Variants in SYT3 observed in about 807,000 individuals in gnomAD.
SYT3 encodes synaptotagmin 3, also known as synaptotagmin-3.
Under a neutral mutation model 50.6 loss-of-function variants are expected in SYT3, and 25 were observed. The observed-to-expected ratio is 0.49, with a 90% CI of 0.36 to 0.69. SYT3 has a LOEUF of 0.69. SYT3 is among the 30% of genes least tolerant of loss of function. SYT3 has a pLI of 0.00. For missense variants in SYT3, 589 were observed against 793.6 expected, an observed-to-expected ratio of 0.74 and a Z score of 3.10; for synonymous variants, 323 against 353.9, an observed-to-expected ratio of 0.91 and a Z score of 0.98.
At chr19:50,654,360 T>A in the SYT3 span, among the ~76,000 whole-genome samples, 1 of 152,104 alleles carries the variant, frequency 6.6e-6, no homozygotes, top group Non-Finnish European at 1.5e-5. Context: ...TGGAGTGCAG[T>A]GGCGCAATCT....
At chr19:50,654,988 G>C in the SYT3 span, among the ~76,000 whole-genome samples, 1 of 152,128 alleles carries the variant, frequency 6.6e-6, no homozygotes, top group Non-Finnish European at 1.5e-5. Context: ...TGGAGGCTGG[G>C]TTATTGCTAA....
At position 50,625,907 on chromosome 19, in the gene SYT3, AGTGAG is replaced by A; in HGVS notation, c.1387_1391del (p.Leu463TrpfsTer35). 1 of 1,613,474 alleles carries A rather than the reference AGTGAG, an allele frequency of 6.2e-7. No homozygotes were observed. Among genetic ancestry groups the A allele is most frequent in the Non-Finnish European group, 8.5e-7 (1 of 1,179,752 alleles). Reference sequence around the variant, plus strand: ...ACCCAGGACCCTCACCTGAGAAGCCAGTGAGGTCCATCGCTTTGAGGTTAGAGGCT... The same window carrying A: ...ACCCAGGACCCTCACCTGAGAAGCCAGTCCATCGCTTTGAGGTTAGAGGCT... On this transcript the variant is annotated frameshift_variant, in exon 7 of 11. Coordinates refer to ENST00000600079, the MANE Select transcript of SYT3 (RefSeq NM_001160329.2). LOFTEE classifies it high-confidence loss of function. The surrounding 1 kb of genome is among the most constrained non-coding windows in gnomAD (Gnocchi z 7.5).
At position 50,632,885 on chromosome 19, in the gene SYT3, G is replaced by C; in HGVS notation, c.149-74C>G. The C allele has an allele frequency of 5.5e-6, 7 of 1,265,284 alleles. No homozygotes were observed. The highest frequency in any genetic ancestry group is 7.3e-6 in the Non-Finnish European group (7 of 958,316). The allele number at this position is 1,265,284 out of a possible 1,614,324, so 78.4% of individuals were successfully genotyped here. A position where few individuals can be genotyped will look rare whatever the true frequency, so the allele number is the denominator to read the frequency against. ...ATCCTCCCTCTGCTGTCCCCAAAGA[G>C]TTAACCCTTCATATTTGCCATGCAA... On this transcript the variant is annotated intron_variant, in intron 3 of 10. Transcript: ENST00000600079. The surrounding 1 kb of genome is among the most constrained non-coding windows in gnomAD (Gnocchi z 4.7).
At chr19:50,649,264 T>C in the SYT3 span, among the ~76,000 whole-genome samples, 1 of 151,852 alleles carries the variant, frequency 6.6e-6, no homozygotes, top group South Asian at 2.1e-4. Flanking sequence ...AGGGAGTCCC[T>C]GAGGTCAGGG....
chr19:50,640,630 C>T (rs142852927), upstream of SYT3, among the ~76,000 whole-genome samples: 1,072 of 152,220 alleles, frequency 7.0e-3, 10 homozygotes, highest in African/African-American at 0.024. Context: ...TGGGTAAGGT[C>T]TAGATCAGGG....
At chr19:50,633,594 C>G (rs969170920) in intron 3 of SYT3, among the ~76,000 whole-genome samples, 1 of 152,188 alleles carries the variant, frequency 6.6e-6, no homozygotes, top group African/African-American at 2.4e-5. Context: ...CTTGACCACT[C>G]TGAACCTTAC....
At chr19:50,628,825 C>CTT (rs11418879) in intron 6 of SYT3, among the ~76,000 whole-genome samples, 1,608 of 136,178 alleles carry the variant, frequency 0.012, 44 homozygotes, top group African/African-American at 0.039. Context: ...ATTATCTGTT[C>CTT]TTTTTTTTTT....
chr19:50,626,649 GCAGAGACCCAGACAGAGAGGGGGA>G (rs916954964), intron 6 of SYT3, among the ~76,000 whole-genome samples: 1 of 141,680 alleles, frequency 7.1e-6, no homozygotes, highest in African/African-American at 2.6e-5. Flanking sequence ...AGAGAAAGGG[GCAGAGACCCAGACAGAGAGGGGGA>G]CAGAGACCCA....
rs751792422 is a variant in SYT3, at chr19:50,625,073, T to G, written c.1707+89A>C. The stretch of plus-strand genomic sequence containing the variant: ...AACCTAGGACGCCTGGCTCTGCGAC[T>G]CACGAACATGCAGGGCGTTCGTTGC... On this transcript the variant is annotated intron_variant, in intron 9 of 10. Coordinates refer to ENST00000600079, the MANE Select transcript of SYT3 (RefSeq NM_001160329.2). The surrounding 1 kb of genome is among the most constrained non-coding windows in gnomAD (Gnocchi z 7.5). 37 of 1,328,942 alleles carry G rather than the reference T, an allele frequency of 2.8e-5. No homozygotes were observed. The Admixed American group carries it at 8.8e-4, about 31-fold the overall frequency. 82.3% of individuals were successfully genotyped at this position (1,328,942 alleles called of 1,614,324 possible). A position where few individuals can be genotyped will look rare whatever the true frequency, so the allele number is the denominator to read the frequency against.
intron 9 of SYT3, among the ~76,000 whole-genome samples, chr19:50,623,718 C>T (rs1599811727): frequency 6.7e-6 from 1 of 149,118 alleles, no homozygotes; most frequent in East Asian, 2.1e-4. Flanking sequence ...AGGAGAATCA[C>T]TTGTACTCAG....
the SYT3 span, chr19:50,656,094 C>T: frequency 1.5e-4 from 235 of 1,536,120 alleles, no homozygotes; most frequent in Non-Finnish European, 1.8e-4. Context: ...GATGCAGGCT[C>T]GGAGCCTGGG....
Position 50,632,246 on chromosome 19 carries a change from GA to G in SYT3, c.674+39del. ...AGGAAAGAGACACAGAGGAGGAGCAGAAGTTCAGAGTGGACCCCCAACCCAG... is the reference window on the plus strand; with the variant it reads ...AGGAAAGAGACACAGAGGAGGAGCAGAGTTCAGAGTGGACCCCCAACCCAG... On this transcript the variant is annotated intron_variant, in intron 4 of 10. Coordinates refer to ENST00000600079, the MANE Select transcript of SYT3 (RefSeq NM_001160329.2). This position sits in a 1 kb window ranked among gnomAD's most constrained non-coding sequence, Gnocchi z 4.7. 2 of 1,513,288 alleles carry G rather than the reference GA, an allele frequency of 1.3e-6. No homozygotes were observed. Among genetic ancestry groups the G allele is most frequent in the African/African-American group, 2.8e-5 (2 of 72,008 alleles). The allele number at this position is 1,513,288 out of a possible 1,614,324, so 93.7% of individuals were successfully genotyped here.
the SYT3 span, among the ~76,000 whole-genome samples, chr19:50,646,379 G>A: frequency 6.6e-6 from 1 of 151,420 alleles, no homozygotes; most frequent in Non-Finnish European, 1.5e-5. Flanking sequence ...GGCTCGTGAA[G>A]ACCAGGAGGG....
At chr19:50,651,069 T>C in the SYT3 span, among the ~76,000 whole-genome samples, 3 of 152,244 alleles carry the variant, frequency 2.0e-5, no homozygotes, top group Admixed American at 6.5e-5. Context: ...AACTTCAGCA[T>C]AGGCCATTAG....
chr19:50,626,187 C>G, intron 6 of SYT3, 170 bp from the exon 7 acceptor site: 1 of 1,026,042 alleles, frequency 9.7e-7, no homozygotes, highest in Non-Finnish European at 1.4e-6. Context: ...TCCCTGGCCA[C>G]AGCTGCCCAT....
chr19:50,627,365 T>G (rs1984111304), intron 6 of SYT3, among the ~76,000 whole-genome samples: 1 of 152,128 alleles, frequency 6.6e-6, no homozygotes, highest in Admixed American at 6.5e-5. Context: ...CATCTAGACC[T>G]GGAGCTGCCG....
chr19:50,655,335 C>T, the SYT3 span, among the ~76,000 whole-genome samples: 1 of 152,088 alleles, frequency 6.6e-6, no homozygotes, highest in African/African-American at 2.4e-5. Context: ...AATCAGGAGA[C>T]TGATTCTGAG....
In SYT3 at chr19:50,639,627, G is replaced by T. The variant is rs769526848; in HGVS notation, c.-154+163C>A. Among the ~76,000 whole-genome samples, 2 of 151,932 alleles carry T rather than the reference G, an allele frequency of 1.3e-5. No individual in the cohort carries two copies. Among genetic ancestry groups the T allele is most frequent in the African/African-American group, 4.8e-5 (2 of 41,486 alleles). Reference sequence around the variant, plus strand: ...TTTCGGGACCCCCTTCCAGGGCCACGTGCCCCTCCCCCGGGGTGGCCAGAG... The same window carrying T: ...TTTCGGGACCCCCTTCCAGGGCCACTTGCCCCTCCCCCGGGGTGGCCAGAG... On this transcript the variant is annotated intron_variant, in intron 1 of 10. Transcript: ENST00000600079. The surrounding 1 kb of genome is among the most constrained non-coding windows in gnomAD (Gnocchi z 4.6).
Position 50,637,545 on chromosome 19 carries a change from G to A in SYT3, c.-15-119C>T. On this transcript the variant is annotated intron_variant, in intron 2 of 10. Coordinates refer to ENST00000600079, the MANE Select transcript of SYT3 (RefSeq NM_001160329.2). This position sits in a 1 kb window ranked among gnomAD's most constrained non-coding sequence, Gnocchi z 4.9. ...CGAGAAAAGGAAGGATGGGCAAAGGGGACAGAGATTAGGGGCAGATGGATT... is the reference window on the plus strand; with the variant it reads ...CGAGAAAAGGAAGGATGGGCAAAGGAGACAGAGATTAGGGGCAGATGGATT... The A allele has an allele frequency of 1.2e-6, 1 of 846,076 alleles. No individual in the cohort carries two copies. The highest frequency in any genetic ancestry group is 1.8e-6 in the Non-Finnish European group (1 of 558,226). The allele number at this position is 846,076 out of a possible 1,614,324, so 52.4% of individuals were successfully genotyped here. A position where few individuals can be genotyped will look rare whatever the true frequency, so the allele number is the denominator to read the frequency against.
Sources: allele counts gnomAD v4.1 joint callset (sites outside exome capture counted in the v4.1 genomes callset), GRCh38; gene constraint gnomAD v4.1.1; non-coding constraint Gnocchi (gnomAD v3.1); transcripts MANE v1.5; gene names NCBI Gene and HGNC (gene_info 2026-07-23, HGNC 2026-07-21).